The following MGAT5 variants were observed in gnomAD, a reference collection of about 807,000 sequenced individuals.
MGAT5 encodes the protein alpha-1,6-mannosylglycoprotein 6-beta-N-acetylglucosaminyltransferase.
A neutral mutation model predicts 94.3 loss-of-function variants in MGAT5; 30 were observed. The ratio of observed to expected loss-of-function variants is 0.32; its 90% CI spans 0.24 to 0.43. The LOEUF is 0.43. Among genes scored for constraint, MGAT5 ranks in the 20% least tolerant of loss-of-function variants. The pLI, the probability that MGAT5 is intolerant of heterozygous loss-of-function variation, is 1.00. For missense variants in MGAT5, 691 were observed against 905.5 expected (o/e 0.76, Z 3.04); for synonymous variants, 310 against 322.9 (o/e 0.96, Z 0.43).
chr2:134,347,698 T>C (rs1188827341), intron 8 of MGAT5, among the ~76,000 whole-genome samples: 1 of 152,208 alleles, frequency 6.6e-6, no homozygotes, highest in Non-Finnish European at 1.5e-5. Context: ...TATGTGAAAG[T>C]ACTATACCAC....
intron 1 of MGAT5, among the ~76,000 whole-genome samples, chr2:134,174,864 G>A (rs1310191332): frequency 2.0e-5 from 3 of 152,226 alleles, no homozygotes; most frequent in Non-Finnish European, 4.4e-5. Context: ...ATTGTTAGCT[G>A]AGGAATGTTG....
intron 2 of MGAT5, among the ~76,000 whole-genome samples, chr2:134,274,846 G>A (rs1041352930): frequency 2.6e-5 from 4 of 152,152 alleles, no homozygotes; most frequent in South Asian, 4.1e-4. Flanking sequence ...AGTGGGGAGC[G>A]ATATGCAACA....
intron 2 of MGAT5, among the ~76,000 whole-genome samples, chr2:134,286,523 C>T (rs566639535): frequency 2.0e-5 from 3 of 152,118 alleles, no homozygotes; most frequent in African/African-American, 7.2e-5. Flanking sequence ...CTTCTGCCTC[C>T]TGGGTTCAAG....
chr2:134,127,421 C>A (rs1316334090), intron 1 of MGAT5, among the ~76,000 whole-genome samples: 1 of 151,864 alleles, frequency 6.6e-6, no homozygotes, highest in Non-Finnish European at 1.5e-5. Flanking sequence ...TGGGTAAATA[C>A]GATCAACTTT....
At chr2:134,123,134 T>A (rs1685693639) in intron 1 of MGAT5, among the ~76,000 whole-genome samples, 2 of 152,136 alleles carry the variant, frequency 1.3e-5, no homozygotes, top group Non-Finnish European at 2.9e-5. Flanking sequence ...CCCATTCAAT[T>A]TTTTTTGTTT....
At chr2:134,158,784 C>A (rs1274982965) in intron 1 of MGAT5, among the ~76,000 whole-genome samples, 1 of 152,212 alleles carries the variant, frequency 6.6e-6, no homozygotes, top group Admixed American at 6.5e-5. Flanking sequence ...ACTGTCTCCC[C>A]AAATGGATCC....
intron 1 of MGAT5, among the ~76,000 whole-genome samples, chr2:134,142,883 G>A (rs1686722278): frequency 6.6e-6 from 1 of 152,130 alleles, no homozygotes; most frequent in Admixed American, 6.5e-5. Context: ...ACCTCCCAAA[G>A]TGTTAGGATT....
intron 1 of MGAT5, among the ~76,000 whole-genome samples, chr2:134,156,752 C>G: frequency 6.6e-6 from 1 of 152,184 alleles, no homozygotes; most frequent in East Asian, 1.9e-4. Context: ...CCCCTCCCTC[C>G]ACATCACAGC....
chr2:134,126,825 T>G (rs1685858871), intron 1 of MGAT5, among the ~76,000 whole-genome samples: 1 of 152,050 alleles, frequency 6.6e-6, no homozygotes, highest in African/African-American at 2.4e-5. Context: ...GTCTACACAT[T>G]CAGTGTGTAA....
intron 1 of MGAT5, chr2:134,127,082 C>T (rs1369187806): frequency 6.5e-6 from 1 of 154,644 alleles, no homozygotes; most frequent in East Asian, 1.9e-4. Flanking sequence ...CTTCCTTCGT[C>T]CCCTTTCCTG....
chr2:134,410,822 G>GGC (rs1683607109), intron 11 of MGAT5, among the ~76,000 whole-genome samples: 1 of 152,180 alleles, frequency 6.6e-6, no homozygotes, highest in Non-Finnish European at 1.5e-5. Flanking sequence ...GAGGTCAGGA[G>GGC]GCACTGTGGG....
intron 1 of MGAT5, among the ~76,000 whole-genome samples, chr2:134,129,040 C>A (rs1186689709): frequency 2.6e-5 from 4 of 152,202 alleles, no homozygotes; most frequent in Non-Finnish European, 5.9e-5. Context: ...GCTGTAACAG[C>A]CACAAACTTA....
chr2:134,440,279 G>T (rs1685411741), intron 14 of MGAT5, among the ~76,000 whole-genome samples: 1 of 152,174 alleles, frequency 6.6e-6, no homozygotes, highest in Non-Finnish European at 1.5e-5. Flanking sequence ...ACGAAATGTT[G>T]TACAGAAGAT....
intron 2 of MGAT5, among the ~76,000 whole-genome samples, chr2:134,310,068 T>C (rs1686558819): frequency 6.6e-6 from 1 of 152,212 alleles, no homozygotes; most frequent in African/African-American, 2.4e-5. Context: ...CCCATATATA[T>C]ACACTGAATT....
intron 1 of MGAT5, among the ~76,000 whole-genome samples, chr2:134,260,248 C>T (rs1406969014): frequency 6.6e-6 from 1 of 152,190 alleles, no homozygotes; most frequent in Non-Finnish European, 1.5e-5. Flanking sequence ...TTGACCTCAC[C>T]CTATAGTTCA....
intron 2 of MGAT5, among the ~76,000 whole-genome samples, chr2:134,285,161 G>C (rs1684927421): frequency 2.0e-5 from 3 of 151,938 alleles, no homozygotes; most frequent in African/African-American, 7.3e-5. Flanking sequence ...TATAATGCTT[G>C]ATAAGGCCAA....
chr2:134,422,939 C>T lies in MGAT5; in HGVS notation c.1794+20C>T. On this transcript the variant is annotated intron_variant, in intron 13 of 15. Coordinates refer to ENST00000281923, the MANE Select transcript of MGAT5 (RefSeq NM_002410.5). ...CAGAAGGTTGGTTCATTTTATTCCACTTTCCCTCCTTTCTAATGTGACCTG... is the reference window on the plus strand; with the variant it reads ...CAGAAGGTTGGTTCATTTTATTCCATTTTCCCTCCTTTCTAATGTGACCTG... 6.5e-6 allele frequency: 10 copies of T among 1,549,690 alleles called. No individual in the cohort carries two copies. Among genetic ancestry groups the T allele is most frequent in the Non-Finnish European group, 8.0e-6 (9 of 1,121,928 alleles).
intron 4 of MGAT5, among the ~76,000 whole-genome samples, chr2:134,335,749 A>G (rs1573844799): frequency 6.6e-6 from 1 of 152,278 alleles, no homozygotes; most frequent in East Asian, 1.9e-4. Context: ...CCTAACTCAG[A>G]TAAAGGATTG....
rs1573787532 is a variant in MGAT5 at position 134,318,756 on chromosome 2, G to A, written c.573+17G>A. 6.4e-7 allele frequency: 1 copy of A among 1,567,896 alleles called. No individual in the cohort carries two copies. The highest frequency in any genetic ancestry group is 8.8e-7 in the Non-Finnish European group (1 of 1,138,264). ...CTCAGTGAGGTGAGTAGCTTTCTGT[G>A]GCTCCTGGGGGTAGATGTGACTGGT... is the stretch of plus-strand genomic sequence containing the variant. On this transcript the variant is annotated intron_variant, in intron 4 of 15. Coordinates refer to ENST00000281923, the MANE Select transcript of MGAT5 (RefSeq NM_002410.5).
Sources: gnomAD v4.1 joint callset for allele counts (sites outside exome capture counted in the v4.1 genomes callset) on GRCh38, gnomAD v4.1.1 for gene constraint, MANE v1.5 for transcripts, NCBI Gene and HGNC (gene_info 2026-07-23, HGNC 2026-07-21) for gene names.